WDFY3: variants seen among roughly 807,000 people sequenced by gnomAD.
WDFY3 encodes the protein WD repeat and FYVE domain-containing protein 3.
In WDFY3, 66 loss-of-function variants were observed where a neutral mutation model predicts 409.6. The ratio of observed to expected loss-of-function variants is 0.16; its 90% CI spans 0.13 to 0.20. WDFY3 has a LOEUF of 0.20. WDFY3 is among the 10% of genes least tolerant of loss of function. WDFY3 has a pLI of 1.00. For synonymous variants in WDFY3, 1,521 were observed against 1,537.1 expected (o/e 0.99, Z 0.25); for missense variants, 3,031 against 4,298.1 (o/e 0.71, Z 8.24).
intron 30 of WDFY3, among the ~76,000 whole-genome samples, chr4:84,769,583 T>G (rs1744276624): frequency 6.6e-6 from 1 of 151,796 alleles, no homozygotes. Flanking sequence ...CCCGGCTAAT[T>G]TTTTTTGTGT....
At chr4:84,950,044 T>C (rs1035777359) in intron 1 of WDFY3, among the ~76,000 whole-genome samples, 6 of 152,146 alleles carry the variant, frequency 3.9e-5, no homozygotes, top group Admixed American at 1.3e-4. Context: ...GTGGCACATA[T>C]ACACCATGGA....
At position 84,755,336 on chromosome 4, in the gene WDFY3, G is replaced by A. The variant is rs3098927; in HGVS notation, c.5489C>T (p.Ser1830Phe). The A allele has an allele frequency of 6.2e-7, 1 of 1,612,798 alleles. No individual in the cohort carries two copies. Among genetic ancestry groups the A allele is most frequent in the Non-Finnish European group, 8.5e-7 (1 of 1,179,748 alleles). Residue 1830 changes from serine to phenylalanine, a missense_variant, in exon 34 of 68, where the codon TCT becomes TTT. Transcript: ENST00000295888. The stretch of plus-strand genomic sequence containing the variant: ...TTCTGTGCATACGTTATGGATAGAA[G>A]AGACCACAGTTCCGCTGGAGGCAGG... Reference protein sequence around the residue: ...GVPASSGTVVSSIHNVCTEAV... With the variant: ...GVPASSGTVVFSIHNVCTEAV...
intron 39 of WDFY3, among the ~76,000 whole-genome samples, chr4:84,739,620 G>C (rs907773288): frequency 6.6e-6 from 1 of 152,104 alleles, no homozygotes; most frequent in African/African-American, 2.4e-5. Flanking sequence ...CAGCTCAGCA[G>C]GTATTTCTTT....
At chr4:84,826,676 TAAAA>T in intron 10 of WDFY3, 135 bp downstream of exon 10, 1 of 692,802 alleles carries the variant, frequency 1.4e-6, no homozygotes, top group Non-Finnish European at 2.0e-6. Context: ...CTTAAACCAT[TAAAA>T]AAAAAACAAG....
At chr4:84,947,705 T>A in intron 1 of WDFY3, among the ~76,000 whole-genome samples, 2 of 108,394 alleles carry the variant, frequency 1.8e-5, no homozygotes, top group Non-Finnish European at 1.8e-5. Flanking sequence ...AAACCCCACA[T>A]CTACCAAAAA....
chr4:84,696,273 A>C, intron 57 of WDFY3, 91 bp from the exon 58 acceptor site: 1 of 1,142,916 alleles, frequency 8.7e-7, no homozygotes, highest in Non-Finnish European at 1.3e-6. Context: ...AATAGGAACT[A>C]AAATAACTAA....
In WDFY3 at chr4:84,860,540, G is replaced by T. The variant is rs753499969; in HGVS notation, c.52C>A (p.Pro18Thr). 1.2e-6 allele frequency: 2 copies of T among 1,613,388 alleles called. No individual in the cohort carries two copies. Among genetic ancestry groups the T allele is most frequent in the Non-Finnish European group, 1.7e-6 (2 of 1,179,516 alleles). ...ATCAGTCCTAAGGCGTTGTCTTGTG[G>T]GCTGCACTCCTCCTGCCTCGGCCGC... ...MGRPRQEECS[P>T]QDNALGLMHL... The change falls in exon 4 of 68, where the codon CCA becomes ACA. Residue 18 changes from proline (P) to threonine (T), a missense_variant. This residue lies in a region of WDFY3 where 1,322 missense variants were observed against 1,697.9 expected (regional missense o/e 0.78). Coordinates refer to ENST00000295888, the MANE Select transcript of WDFY3 (RefSeq NM_014991.6).
intron 2 of WDFY3, among the ~76,000 whole-genome samples, chr4:84,922,512 G>C (rs1027590515): frequency 1.3e-5 from 2 of 152,110 alleles, no homozygotes; most frequent in Admixed American, 1.3e-4. Flanking sequence ...GACAGGCAGA[G>C]TAAAGGATCA....
chr4:84,889,963 C>A (rs184047522), intron 3 of WDFY3, among the ~76,000 whole-genome samples: 42 of 152,234 alleles, frequency 2.8e-4, no homozygotes, highest in Admixed American at 2.7e-3. Flanking sequence ...AGCTCAAGAT[C>A]CATCGTACCT....
At chr4:84,836,334 T>C (rs1756567107) in intron 7 of WDFY3, among the ~76,000 whole-genome samples, 2 of 152,214 alleles carry the variant, frequency 1.3e-5, no homozygotes, top group Non-Finnish European at 2.9e-5. Flanking sequence ...TATGTTTGTT[T>C]GCTTGTTTTG....
At chr4:84,752,270 T>C (rs567359220) in intron 35 of WDFY3, among the ~76,000 whole-genome samples, 66 of 152,222 alleles carry the variant, frequency 4.3e-4, no homozygotes, top group African/African-American at 1.6e-3. Context: ...TCCCAGCACT[T>C]TGGGAGGCCG....
chr4:84,679,183 G>C lies in WDFY3; in HGVS notation c.9883C>G (p.Gln3295Glu). 1 of 1,607,532 alleles carries C rather than the reference G, an allele frequency of 6.2e-7. No individual in the cohort carries two copies. Among genetic ancestry groups the C allele is most frequent in the Non-Finnish European group, 8.5e-7 (1 of 1,175,908 alleles). The change falls in exon 65 of 68, where the codon CAG becomes GAG. Residue 3295 changes from glutamine (Q) to glutamate (E), a missense_variant. Gln to Glu is a conservative substitution (Grantham distance 29). Coordinates refer to ENST00000295888, the MANE Select transcript of WDFY3 (RefSeq NM_014991.6). ...DSEADEQSIS[Q>E]DPKDTPSQPS... Reference sequence around the variant, plus strand: ...TGGCTTGGAGTGTCCTTAGGGTCCTGGCTGATGCTCTGCTCATCTGCTTCT... The same window carrying C: ...TGGCTTGGAGTGTCCTTAGGGTCCTCGCTGATGCTCTGCTCATCTGCTTCT...
In WDFY3 at chr4:84,782,964, C is replaced by G; in HGVS notation, c.4173G>C (p.Leu1391Phe). ...AACAACAAAGATAAGTCCACTCACC[C>G]AAGTATCCAATCAGAGCGGCCCCAA... ...RTIGAALIGY[L>F]GVRTFVPKPV... The change falls in exon 25 of 68, where the codon TTG (leucine) becomes TTC (phenylalanine). Residue 1391 changes from leucine to phenylalanine, a missense_variant and splice_region_variant. Leu to Phe is a conservative substitution (Grantham distance 22, BLOSUM62 0). Around this residue, in one of 16 missense-constraint regions of WDFY3, gnomAD observed 1,322 missense variants for 1,697.9 expected, o/e 0.78. Coordinates refer to ENST00000295888, the MANE Select transcript of WDFY3 (RefSeq NM_014991.6). 2 of 1,612,304 alleles carry G rather than the reference C, an allele frequency of 1.2e-6. No homozygotes were observed. Among genetic ancestry groups the G allele is most frequent in the Non-Finnish European group, 1.7e-6 (2 of 1,179,586 alleles).
intron 44 of WDFY3, among the ~76,000 whole-genome samples, chr4:84,731,089 G>A (rs202129660): frequency 6.6e-6 from 1 of 152,074 alleles, no homozygotes; most frequent in Non-Finnish European, 1.5e-5. Flanking sequence ...GAGCCACTGC[G>A]CCTGGCAAAA....
intron 25 of WDFY3, 57 bp from the exon 26 acceptor site, chr4:84,780,355 G>A: frequency 2.7e-6 from 4 of 1,458,092 alleles, no homozygotes; most frequent in Non-Finnish European, 3.7e-6. Flanking sequence ...AACAAGAACT[G>A]TATACATCAT....
chr4:84,805,340 T>G (rs1486700394), intron 15 of WDFY3, among the ~76,000 whole-genome samples: 1 of 152,182 alleles, frequency 6.6e-6, no homozygotes, highest in Admixed American at 6.5e-5. Context: ...TTATCTTATA[T>G]AAGAAAGCAA....
At chr4:84,726,954 CAT>C (rs1735760327) in intron 44 of WDFY3, 43 bp from the exon 45 acceptor site, 2 of 1,500,782 alleles carry the variant, frequency 1.3e-6, no homozygotes, top group Non-Finnish European at 1.8e-6. Flanking sequence ...GAAAAAAAAA[CAT>C]AAAGAGGAAC....
At chr4:84,958,918 CT>C (rs1579294522) in intron 1 of WDFY3, among the ~76,000 whole-genome samples, 3 of 152,292 alleles carry the variant, frequency 2.0e-5, no homozygotes, top group South Asian at 2.1e-4. Flanking sequence ...ATTCAGACCT[CT>C]ATAAATGGCA....
chr4:84,678,418 G>T, intron 65 of WDFY3, 139 bp from the exon 66 acceptor site: 1 of 598,310 alleles, frequency 1.7e-6, no homozygotes, highest in Non-Finnish European at 3.0e-6. Context: ...CTCGGCAGCT[G>T]CTGCCTTGGT....
Sources: gnomAD v4.1 joint callset for allele counts (sites outside exome capture counted in the v4.1 genomes callset) on GRCh38, gnomAD v4.1.1 for gene constraint, gnomAD v4.1.1 regional missense constraint, MANE v1.5 for transcripts, NCBI Gene and HGNC (gene_info 2026-07-23, HGNC 2026-07-21) for gene names.